TMCC1: variants seen among roughly 807,000 people sequenced by gnomAD.
The protein encoded by TMCC1 is transmembrane and coiled-coil domain family 1.
In TMCC1, 15 loss-of-function variants were observed where a neutral mutation model predicts 52.4. The ratio of observed to expected loss-of-function variants is 0.29; its 90% CI spans 0.19 to 0.44. The LOEUF is 0.44. TMCC1 is among the 20% of genes least tolerant of loss of function. The pLI is 1.00. For synonymous variants in TMCC1, 279 were observed against 301.9 expected (o/e 0.92, Z 0.79); for missense variants, 503 against 806.0 (o/e 0.62, Z 4.55).
At chr3:129,811,952 A>C (rs1454128173) in intron 4 of TMCC1, among the ~76,000 whole-genome samples, 1 of 151,398 alleles carries the variant, frequency 6.6e-6, no homozygotes, top group Non-Finnish European at 1.5e-5. Flanking sequence ...TCAATTTAAA[A>C]AAAAAAAAAA....
chr3:129,816,583 G>C (rs943111226), intron 4 of TMCC1, among the ~76,000 whole-genome samples: 11 of 152,108 alleles, frequency 7.2e-5, no homozygotes, highest in Non-Finnish European at 1.5e-4. Context: ...GCTTGGGAAA[G>C]GCAAGGGAGA....
At position 129,827,954 on chromosome 3, in the gene TMCC1, C is replaced by A; in HGVS notation, c.425G>T (p.Gly142Val). The change falls in exon 4 of 7, where the codon GGT (glycine) becomes GTT (valine). Residue 142 changes from glycine (G) to valine (V), a missense_variant. Physicochemically the swap from Gly to Val is moderately radical, Grantham distance 109. Coordinates refer to ENST00000393238, the MANE Select transcript of TMCC1 (RefSeq NM_001017395.5). ...KGSPQINRKSGQEMTAVMQSG... is the reference protein window; with the variant it reads ...KGSPQINRKSVQEMTAVMQSG... Reference sequence around the variant, plus strand: ...CTGCATAACAGCTGTCATCTCCTGACCAGACTTCCTGTTGATTTGGGGACT... The same window carrying A: ...CTGCATAACAGCTGTCATCTCCTGAACAGACTTCCTGTTGATTTGGGGACT... 1 of 1,614,128 alleles carries A rather than the reference C, an allele frequency of 6.2e-7. No individual in the cohort carries two copies. Among genetic ancestry groups the A allele is most frequent in the African/African-American group, 1.3e-5 (1 of 75,044 alleles).
At chr3:129,833,309 T>C (rs1270339272) in intron 2 of TMCC1, among the ~76,000 whole-genome samples, 2 of 152,194 alleles carry the variant, frequency 1.3e-5, no homozygotes, top group African/African-American at 4.8e-5. Flanking sequence ...CCAGGCATGA[T>C]GGCTCATGCC....
chr3:129,863,853 C>T (rs2060507035), intron 2 of TMCC1, among the ~76,000 whole-genome samples: 2 of 151,824 alleles, frequency 1.3e-5, no homozygotes, highest in African/African-American at 4.8e-5. Flanking sequence ...CAGAGCGAGA[C>T]TCTTATCTCA....
chr3:129,690,146 A>T (rs902310234), intron 4 of TMCC1, among the ~76,000 whole-genome samples: 1 of 152,242 alleles, frequency 6.6e-6, no homozygotes, highest in Non-Finnish European at 1.5e-5. Context: ...GTTTTAAAAA[A>T]ATATATGTAC....
Position 129,877,533 on chromosome 3 carries a change from T to G in TMCC1, c.-184+2776A>C, listed in dbSNP as rs544379219. ...CTTTCTGGATTTAAATATAATCTAT[T>G]TTAACAATACCCAGAGGTATATGTC... is the stretch of plus-strand genomic sequence containing the variant. On this transcript the variant is annotated intron_variant, in intron 2 of 6. Transcript: ENST00000393238. Among the ~76,000 whole-genome samples, 3 of 152,304 alleles carry G rather than the reference T, an allele frequency of 2.0e-5. No homozygotes were observed. The South Asian group carries it at 6.2e-4, about 32-fold the overall frequency.
At chr3:129,687,781 A>G (rs2089509957) in intron 4 of TMCC1, among the ~76,000 whole-genome samples, 1 of 152,318 alleles carries the variant, frequency 6.6e-6, no homozygotes, top group South Asian at 2.1e-4. Flanking sequence ...CTCCATACTT[A>G]TGTTCTCAGC....
At chr3:129,856,915 G>A (rs900989117) in intron 2 of TMCC1, among the ~76,000 whole-genome samples, 3 of 151,954 alleles carry the variant, frequency 2.0e-5, no homozygotes, top group Non-Finnish European at 4.4e-5. Context: ...ACCAGCAAAC[G>A]AGACATGGGA....
chr3:129,731,628 C>T (rs2050547754), intron 4 of TMCC1, among the ~76,000 whole-genome samples: 1 of 151,656 alleles, frequency 6.6e-6, no homozygotes, highest in South Asian at 2.1e-4. Context: ...TAGAGGGGAA[C>T]TTCATCATTT....
At chr3:129,658,337 T>C (rs1307962206) in intron 5 of TMCC1, among the ~76,000 whole-genome samples, 1 of 152,242 alleles carries the variant, frequency 6.6e-6, no homozygotes. Flanking sequence ...GCTGTTGTTA[T>C]CCTTTCCTCA....
intron 4 of TMCC1, among the ~76,000 whole-genome samples, chr3:129,823,646 AC>A (rs769403579): frequency 7.4e-4 from 113 of 152,232 alleles, no homozygotes; most frequent in Admixed American, 1.6e-3. Flanking sequence ...AAACAAACAA[AC>A]AAAAAAACAG....
chr3:129,747,922 T>G (rs545531803), intron 4 of TMCC1, among the ~76,000 whole-genome samples: 89 of 152,164 alleles, frequency 5.8e-4, no homozygotes, highest in Non-Finnish European at 9.4e-4. Flanking sequence ...GAAAGAACCC[T>G]GTAAACTGAA....
chr3:129,659,580 T>C (rs2086890241), intron 5 of TMCC1, among the ~76,000 whole-genome samples: 1 of 152,190 alleles, frequency 6.6e-6, no homozygotes, highest in Non-Finnish European at 1.5e-5. Flanking sequence ...GGAATATATA[T>C]GAATCAGAGA....
In TMCC1 at chr3:129,650,546, A is replaced by G. The variant is rs1185527870; in HGVS notation, c.*935T>C. ...GGGAGCAGCACACTTAAATATCCAC[A>G]CATTTCTTCATTTAAAAACATCACT... On this transcript the variant is annotated 3_prime_UTR_variant, in exon 7 of 7. Coordinates refer to ENST00000393238, the MANE Select transcript of TMCC1 (RefSeq NM_001017395.5). The G allele has an allele frequency of 6.6e-6, 1 of 152,600 alleles. No homozygotes were observed. Among genetic ancestry groups the G allele is most frequent in the Non-Finnish European group, 1.5e-5 (1 of 68,046 alleles). The allele number at this position is 152,600 out of a possible 1,614,324, so 9.5% of individuals were successfully genotyped here. A position where few individuals can be genotyped will look rare whatever the true frequency, so the allele number is the denominator to read the frequency against.
intron 1 of TMCC1, among the ~76,000 whole-genome samples, chr3:129,890,029 T>C (rs1172203359): frequency 2.0e-5 from 3 of 152,058 alleles, no homozygotes; most frequent in Non-Finnish European, 1.5e-5. Context: ...CTCATGCTTA[T>C]AAACCCAGCA....
chr3:129,722,229 C>T (rs1297893765), intron 4 of TMCC1, among the ~76,000 whole-genome samples: 2 of 152,164 alleles, frequency 1.3e-5, no homozygotes, highest in East Asian at 3.9e-4. Flanking sequence ...ACCTGAGCTC[C>T]ACCTCCTGTC....
chr3:129,708,844 G>A (rs1228431091), intron 4 of TMCC1, among the ~76,000 whole-genome samples: 1 of 152,110 alleles, frequency 6.6e-6, no homozygotes, highest in Non-Finnish European at 1.5e-5. Flanking sequence ...CTGAAATCCG[G>A]CATACCCTAT....
chr3:129,838,140 G>A (rs944631270), intron 2 of TMCC1, among the ~76,000 whole-genome samples: 4 of 152,206 alleles, frequency 2.6e-5, no homozygotes, highest in African/African-American at 7.2e-5. Context: ...GCTGGGCATG[G>A]TGCCTCATGC....
chr3:129,776,238 G>A (rs190014092), intron 4 of TMCC1, among the ~76,000 whole-genome samples: 1 of 152,286 alleles, frequency 6.6e-6, no homozygotes, highest in African/African-American at 2.4e-5. Flanking sequence ...TACCATGTAA[G>A]TTCTATGAGA....
Sources: gnomAD v4.1 joint callset for allele counts (sites outside exome capture counted in the v4.1 genomes callset) on GRCh38, gnomAD v4.1.1 for gene constraint, MANE v1.5 for transcripts, NCBI Gene and HGNC (gene_info 2026-07-23, HGNC 2026-07-21) for gene names.